The following GRID1 variants were observed in gnomAD, a reference collection of about 807,000 sequenced individuals.
GRID1 encodes the protein glutamate receptor ionotropic, delta-1.
Under a neutral mutation model 98.0 loss-of-function variants are expected in GRID1, and 28 were observed. The observed-to-expected ratio is 0.29, with a 90% CI of 0.21 to 0.39. The LOEUF is 0.39. Ranked by LOEUF, GRID1 falls within the 10% of genes least tolerant of loss-of-function variation. The probability of loss-of-function intolerance (pLI) is 1.00; values close to 1 mark genes in which losing one functional copy is unlikely to be tolerated. For synonymous variants in GRID1, 553 were observed against 538.5 expected (o/e 1.03, Z -0.37); for missense variants, 1,111 against 1,340.5 (o/e 0.83, Z 2.67).
chr10:85,936,348 T>C (rs1452770609), intron 4 of GRID1, among the ~76,000 whole-genome samples: 1 of 152,216 alleles, frequency 6.6e-6, no homozygotes, highest in Non-Finnish European at 1.5e-5. Flanking sequence ...AACTAGAATA[T>C]CACACTGTTT....
intron 4 of GRID1, among the ~76,000 whole-genome samples, chr10:85,979,958 C>T (rs556172903): frequency 3.3e-5 from 5 of 152,346 alleles, no homozygotes; most frequent in African/African-American, 9.6e-5. Context: ...CACACAGCAG[C>T]CAGAATGAAC....
intron 2 of GRID1, among the ~76,000 whole-genome samples, chr10:86,311,947 C>T (rs896418807): frequency 1.3e-5 from 2 of 152,230 alleles, no homozygotes; most frequent in South Asian, 2.1e-4. Flanking sequence ...GAGATTCTCA[C>T]AGATTATTCA....
At chr10:86,289,340 A>C (rs528496732) in intron 2 of GRID1, among the ~76,000 whole-genome samples, 17 of 152,266 alleles carry the variant, frequency 1.1e-4, no homozygotes, top group African/African-American at 4.1e-4. Flanking sequence ...TCATTATCCT[A>C]ATTGTGAATC....
chr10:85,774,803 A>C (rs1228811142), intron 8 of GRID1, among the ~76,000 whole-genome samples: 3 of 150,174 alleles, frequency 2.0e-5, no homozygotes, highest in Non-Finnish European at 4.5e-5. Context: ...TTAGAATGGC[A>C]ATCATTAAAA....
chr10:86,153,765 C>A (rs907920740), intron 3 of GRID1, among the ~76,000 whole-genome samples: 2 of 152,016 alleles, frequency 1.3e-5, no homozygotes, highest in Admixed American at 6.6e-5. Flanking sequence ...AAATTAAAGC[C>A]ACATCAATAT....
intron 13 of GRID1, among the ~76,000 whole-genome samples, chr10:85,636,854 A>C (rs1590169370): frequency 6.6e-6 from 1 of 152,226 alleles, no homozygotes; most frequent in East Asian, 1.9e-4. Context: ...TTAAATGTTT[A>C]TATCCTTTTT....
chr10:85,739,212 A>G (rs1053361644), intron 8 of GRID1, among the ~76,000 whole-genome samples: 6 of 152,168 alleles, frequency 3.9e-5, no homozygotes, highest in African/African-American at 1.4e-4. Context: ...CTGAGGAGGT[A>G]GGTAGTGGCA....
chr10:85,692,793 C>T (rs1285650378), intron 12 of GRID1, among the ~76,000 whole-genome samples: 1 of 151,302 alleles, frequency 6.6e-6, no homozygotes, highest in East Asian at 1.9e-4. Context: ...ACAAAATAAA[C>T]AAAACTGAAT....
rs183550804 is a variant in GRID1, at chr10:85,821,754, G to A, written c.1233+32742C>T. On this transcript the variant is annotated intron_variant, in intron 8 of 15. Coordinates refer to ENST00000327946, the MANE Select transcript of GRID1 (RefSeq NM_017551.3). ...GTCAATCCTAAGCCAAAAGAACAAA[G>A]CTGGAGGCATCACGCTACCTGACTT... Among the ~76,000 whole-genome samples the A allele has an allele frequency of 1.8e-3, 269 of 152,104 alleles. 2 individuals are homozygous for A. The highest frequency in any genetic ancestry group is 5.3e-3 in the African/African-American group (219 of 41,512).
chr10:86,190,127 T>C (rs974356450), intron 3 of GRID1, among the ~76,000 whole-genome samples: 5 of 152,164 alleles, frequency 3.3e-5, no homozygotes, highest in African/African-American at 1.2e-4. Context: ...GAATATCCTC[T>C]GTGTCACCAT....
At chr10:86,295,423 C>T (rs1049569889) in intron 2 of GRID1, among the ~76,000 whole-genome samples, 7 of 152,102 alleles carry the variant, frequency 4.6e-5, no homozygotes, top group Non-Finnish European at 8.8e-5. Flanking sequence ...TGAGCCCGAG[C>T]GTTGTCCAGG....
intron 4 of GRID1, among the ~76,000 whole-genome samples, chr10:86,069,996 C>T (rs538663224): frequency 9.2e-5 from 14 of 152,180 alleles, no homozygotes; most frequent in Admixed American, 9.2e-4. Flanking sequence ...TGATATGGTG[C>T]CTGTAGAGGG....
intron 4 of GRID1, among the ~76,000 whole-genome samples, chr10:85,976,750 C>T (rs949964235): frequency 6.6e-6 from 1 of 152,238 alleles, no homozygotes; most frequent in African/African-American, 2.4e-5. Flanking sequence ...CCTGAACAGG[C>T]TTACCTGTTT....
chr10:85,742,331 T>C (rs113060454), intron 8 of GRID1, among the ~76,000 whole-genome samples: 19 of 152,296 alleles, frequency 1.2e-4, no homozygotes, highest in Admixed American at 5.9e-4. Context: ...ACTCCACACA[T>C]TGAGTAGTGG....
chr10:86,316,575 C>T (rs1009996494), intron 2 of GRID1, among the ~76,000 whole-genome samples: 5 of 152,256 alleles, frequency 3.3e-5, no homozygotes, highest in African/African-American at 4.8e-5. Context: ...CCTCCAGGCT[C>T]GGGAGGGCAG....
At chr10:85,693,523 T>C (rs894623268) in intron 12 of GRID1, among the ~76,000 whole-genome samples, 2 of 151,940 alleles carry the variant, frequency 1.3e-5, no homozygotes, top group Non-Finnish European at 2.9e-5. Context: ...TACACAAAGA[T>C]GTTAATAATA....
chr10:86,024,042 T>C (rs1589340767), intron 4 of GRID1, among the ~76,000 whole-genome samples: 1 of 152,106 alleles, frequency 6.6e-6, no homozygotes, highest in South Asian at 2.1e-4. Context: ...ACAGTGCCTC[T>C]GAACCAAGGC....
chr10:85,702,556 G>C (rs974161898), intron 12 of GRID1, among the ~76,000 whole-genome samples: 6 of 152,070 alleles, frequency 3.9e-5, no homozygotes, highest in Non-Finnish European at 5.9e-5. Flanking sequence ...GCAAGTTTCT[G>C]TTTGCATATA....
intron 8 of GRID1, among the ~76,000 whole-genome samples, chr10:85,788,664 C>T (rs1842451688): frequency 6.6e-6 from 1 of 152,216 alleles, no homozygotes; most frequent in Admixed American, 6.5e-5. Flanking sequence ...TTTATTCTTC[C>T]GTTAGGAAAG....
Sources: allele counts gnomAD v4.1 joint callset (sites outside exome capture counted in the v4.1 genomes callset), GRCh38; gene constraint gnomAD v4.1.1; transcripts MANE v1.5; gene names NCBI Gene and HGNC (gene_info 2026-07-23, HGNC 2026-07-21).